CPT1A: variants seen among roughly 807,000 people sequenced by gnomAD.
CPT1A encodes carnitine palmitoyltransferase 1A, also known as carnitine O-palmitoyltransferase 1, liver isoform.
Under a neutral mutation model 100.8 loss-of-function variants are expected in CPT1A, and 64 were observed. The ratio of observed to expected loss-of-function variants is 0.63; its 90% CI spans 0.52 to 0.78. The LOEUF (loss-of-function observed/expected upper bound fraction) is 0.78, where lower values mean the gene tolerates loss of function less well. CPT1A is among the 30% of genes least tolerant of loss of function. The probability of loss-of-function intolerance (pLI) is 0.00; values close to 1 mark genes in which losing one functional copy is unlikely to be tolerated. For synonymous variants in CPT1A, 363 were observed against 396.0 expected (o/e 0.92, Z 0.99); for missense variants, 802 against 1,034.1 (o/e 0.78, Z 3.08).
chr11:68,821,317 T>C (rs766599634), intron 1 of CPT1A, among the ~76,000 whole-genome samples: 10 of 152,186 alleles, frequency 6.6e-5, no homozygotes, highest in Non-Finnish European at 1.3e-4. Context: ...CACGACTGGC[T>C]AATTTTTGTA....
rs370641599 is a variant in CPT1A at position 68,770,864 on chromosome 11, G to A, written c.1740+2401C>T. Reference sequence around the variant, plus strand: ...GTTTAGCTGCAGCACAGTGATGAGAGCCACAGGTTCTCGAACAAGCCTGCC... The same window carrying A: ...GTTTAGCTGCAGCACAGTGATGAGAACCACAGGTTCTCGAACAAGCCTGCC... On this transcript the variant is annotated intron_variant, in intron 14 of 18. Transcript: ENST00000265641. 3.3e-5 allele frequency among the ~76,000 whole-genome samples: 5 copies of A among 152,320 alleles called. No homozygotes were observed. In the South Asian group the frequency reaches 1.0e-3, roughly 32 times the overall value.
intron 18 of CPT1A, 21 bp from the exon 19 acceptor site, chr11:68,757,751 C>A (rs749393517): frequency 6.2e-7 from 1 of 1,609,752 alleles, no homozygotes; most frequent in East Asian, 2.2e-5. Flanking sequence ...AAAACAAAAA[C>A]CAAAAACCTA....
At chr11:68,830,370 C>T (rs893031628) in intron 1 of CPT1A, among the ~76,000 whole-genome samples, 1 of 152,186 alleles carries the variant, frequency 6.6e-6, no homozygotes, top group Admixed American at 6.5e-5. Flanking sequence ...ACACAGACCT[C>T]CTTGCCCGGA....
intron 15 of CPT1A, 47 bp from the exon 16 acceptor site, chr11:68,761,734 G>A (rs764605482): frequency 1.9e-6 from 3 of 1,608,004 alleles, no homozygotes; most frequent in African/African-American, 1.3e-5. Context: ...GTCTCAAGTT[G>A]AGCAGTTACG....
intron 14 of CPT1A, among the ~76,000 whole-genome samples, chr11:68,771,987 T>A (rs1855001567): frequency 6.6e-6 from 1 of 152,178 alleles, no homozygotes; most frequent in Non-Finnish European, 1.5e-5. Context: ...CAAGCAAAAT[T>A]CAACAATGGC....
At chr11:68,832,355 CAGG>C (rs1856900615) in intron 1 of CPT1A, among the ~76,000 whole-genome samples, 1 of 152,162 alleles carries the variant, frequency 6.6e-6, no homozygotes, top group African/African-American at 2.4e-5. Context: ...GAAACTGAGA[CAGG>C]AGAATTTCTT....
chr11:68,817,963 C>T (rs189198841), intron 1 of CPT1A, among the ~76,000 whole-genome samples: 7 of 152,068 alleles, frequency 4.6e-5, no homozygotes, highest in East Asian at 1.9e-4. Context: ...CAGAGGCAGC[C>T]GGTGGGAGGT....
chr11:68,794,751 AC>A (rs1237515891), intron 8 of CPT1A, 52 bp downstream of exon 8: 2 of 1,388,952 alleles, frequency 1.4e-6, no homozygotes, highest in African/African-American at 2.8e-5. Context: ...TGTCAATTAT[AC>A]CTCTGTAAAG....
At chr11:68,780,807 G>T in intron 11 of CPT1A, 62 bp from the exon 12 acceptor site, 1 of 1,185,172 alleles carries the variant, frequency 8.4e-7, no homozygotes, top group Non-Finnish European at 1.3e-6. Context: ...AGGAGACATT[G>T]CACCTCTCTG....
intron 5 of CPT1A, among the ~76,000 whole-genome samples, chr11:68,802,075 A>G (rs921009761): frequency 5.4e-4 from 82 of 152,152 alleles, no homozygotes; most frequent in Non-Finnish European, 1.3e-4. Flanking sequence ...GCAAATCCAT[A>G]CAGACAGACA....
intron 2 of CPT1A, among the ~76,000 whole-genome samples, chr11:68,814,031 A>C (rs944090683): frequency 1.3e-5 from 2 of 151,994 alleles, no homozygotes; most frequent in African/African-American, 4.8e-5. Flanking sequence ...GCCCTCGGAG[A>C]AGGAGCACCG....
At chr11:68,791,964 T>A (rs905557733) in intron 9 of CPT1A, among the ~76,000 whole-genome samples, 13 of 152,066 alleles carry the variant, frequency 8.5e-5, no homozygotes, top group African/African-American at 2.4e-4. Flanking sequence ...ACCACCACAG[T>A]GCACACTACT....
rs2153994210 is a variant in CPT1A, at chr11:68,755,161, T to C, written c.*2483A>G. On this transcript the variant is annotated 3_prime_UTR_variant, in exon 19 of 19. Coordinates refer to ENST00000265641, the MANE Select transcript of CPT1A (RefSeq NM_001876.4). ...CTGCACTGATGAGCAACAATTACAT[T>C]TGAAACATTTAAAACCTGAGAGAGA... 2.9e-6 allele frequency: 1 copy of C among 344,190 alleles called. No homozygotes were observed. The highest frequency in any genetic ancestry group is 3.7e-4 in the Middle Eastern group (1 of 2,706). 21.3% of individuals were successfully genotyped at this position (344,190 alleles called of 1,614,324 possible). A position where few individuals can be genotyped will look rare whatever the true frequency, so the allele number is the denominator to read the frequency against.
intron 1 of CPT1A, among the ~76,000 whole-genome samples, chr11:68,816,755 CGTGTGTGTGTGTGT>C (rs5792452): frequency 6.2e-5 from 9 of 145,114 alleles, no homozygotes; most frequent in Non-Finnish European, 1.2e-4. Flanking sequence ...TCCAAAAACT[CGTGTGTGTGTGTGT>C]GTGTGTGTGT....
upstream of CPT1A, among the ~76,000 whole-genome samples, chr11:68,842,300 CCACA>C (rs1857178976): frequency 6.6e-6 from 1 of 152,128 alleles, no homozygotes; most frequent in Non-Finnish European, 1.5e-5. Flanking sequence ...ATAAGTTACC[CCACA>C]TCACCGAGCT....
At chr11:68,780,402 G>A (rs1205558417) in intron 12 of CPT1A, among the ~76,000 whole-genome samples, 1 of 152,184 alleles carries the variant, frequency 6.6e-6, no homozygotes. Flanking sequence ...TTCTGCCTCA[G>A]CCTCCCAAGT....
Position 68,780,681 on chromosome 11 carries a change from G to A in CPT1A, c.1417C>T (p.His473Tyr). The A allele has an allele frequency of 1.2e-6, 2 of 1,614,220 alleles. No individual in the cohort carries two copies. The highest frequency in any genetic ancestry group is 1.7e-6 in the Non-Finnish European group (2 of 1,180,034). ...KNGKMGLNAE[H>Y]SWADAPIVAH... is the part of the protein sequence containing the mutation. ...ACGATCGGCGCATCTGCCCAGGAGT[G>A]TTCAGCGTTGAGGCCCATCTTCCCG... The change falls in exon 12 of 19, where the codon CAC becomes TAC. Residue 473 changes from histidine to tyrosine, a missense_variant. Physicochemically the swap from His to Tyr is moderately conservative, Grantham distance 83. Around this residue, in one of 4 missense-constraint regions of CPT1A, gnomAD observed 627 missense variants for 799.3 expected, o/e 0.78. Transcript: ENST00000265641.
intron 1 of CPT1A, among the ~76,000 whole-genome samples, chr11:68,821,883 A>T (rs1298348135): frequency 6.6e-6 from 1 of 152,114 alleles, no homozygotes; most frequent in Non-Finnish European, 1.5e-5. Flanking sequence ...CAAGTGTAAG[A>T]CTGCCTCCTG....
Position 68,781,765 on chromosome 11 carries a change from C to T in CPT1A, c.1352+6G>A, listed in dbSNP as rs541440067. 63 of 1,613,974 alleles carry T rather than the reference C, an allele frequency of 3.9e-5. 1 individual carries two copies. In the East Asian group the frequency reaches 1.1e-3, roughly 29 times the overall value. ...ACTCCTGTCTCTCAGAAGGTAAGGA[C>T]GGTACCTGTCGTAACATCGGCCGTG... On this transcript the variant is annotated splice_donor_region_variant and intron_variant, in intron 11 of 18. Transcript: ENST00000265641.
Sources: allele counts gnomAD v4.1 joint callset (sites outside exome capture counted in the v4.1 genomes callset), GRCh38; gene constraint gnomAD v4.1.1; regional missense constraint gnomAD v4.1.1; transcripts MANE v1.5; gene names NCBI Gene and HGNC (gene_info 2026-07-23, HGNC 2026-07-21).